Variants in CORO2B observed in about 807,000 individuals in gnomAD.
CORO2B encodes the protein coronin-2B.
Under a neutral mutation model 58.8 loss-of-function variants are expected in CORO2B, and 26 were observed. The ratio of observed to expected loss-of-function variants is 0.44; its 90% CI spans 0.32 to 0.61. The LOEUF (loss-of-function observed/expected upper bound fraction) is 0.61, where lower values mean the gene tolerates loss of function less well. Among genes scored for constraint, CORO2B ranks in the 20% least tolerant of loss-of-function variants. The pLI, the probability that CORO2B is intolerant of heterozygous loss-of-function variation, is 0.04. For synonymous variants in CORO2B, 242 were observed against 253.8 expected (o/e 0.95, Z 0.44); for missense variants, 460 against 645.1 (o/e 0.71, Z 3.11).
chr15:68,709,587 G>A (rs1160183307), intron 3 of CORO2B, among the ~76,000 whole-genome samples: 1 of 151,168 alleles, frequency 6.6e-6, no homozygotes, highest in African/African-American at 2.4e-5. Context: ...CTCCCGAGTA[G>A]CTGGGACTAT....
intron 1 of CORO2B, among the ~76,000 whole-genome samples, chr15:68,640,023 C>T (rs554824485): frequency 6.6e-6 from 1 of 152,342 alleles, no homozygotes; most frequent in East Asian, 1.9e-4. Flanking sequence ...GTTACAGCCT[C>T]GGCAAGGCCT....
rs565662332 is a variant in CORO2B, at chr15:68,663,211, T to C, written c.216+17851T>C. 2.6e-5 allele frequency among the ~76,000 whole-genome samples: 4 copies of C among 152,338 alleles called. No individual in the cohort carries two copies. The East Asian group carries it at 7.7e-4, about 29-fold the overall frequency. ...TATATATCTTGGAGATCTTTTCACATCAAATATAGAAAGAGTTTCCTTGCT... is the reference window on the plus strand; with the variant it reads ...TATATATCTTGGAGATCTTTTCACACCAAATATAGAAAGAGTTTCCTTGCT... On this transcript the variant is annotated intron_variant, in intron 2 of 11. Transcript: ENST00000261861.
intron 1 of CORO2B, among the ~76,000 whole-genome samples, chr15:68,638,055 C>A (rs773702172): frequency 1.2e-4 from 18 of 152,138 alleles, no homozygotes; most frequent in South Asian, 2.1e-4. Context: ...CATTCAGCTG[C>A]AAAATGAATA....
intron 1 of CORO2B, among the ~76,000 whole-genome samples, chr15:68,586,162 T>A (rs1490835641): frequency 6.6e-6 from 1 of 152,198 alleles, no homozygotes; most frequent in Non-Finnish European, 1.5e-5. Flanking sequence ...TCATTGGGAT[T>A]GATAATAGTA....
chr15:68,628,456 C>A (rs1252160947), intron 1 of CORO2B, among the ~76,000 whole-genome samples: 1 of 152,212 alleles, frequency 6.6e-6, no homozygotes, highest in Non-Finnish European at 1.5e-5. Flanking sequence ...TTGAATAGTA[C>A]CTGACACGTA....
chr15:68,710,434 T>C lies in CORO2B; in HGVS notation c.334-298T>C, dbSNP rs1892886040. ...ACATTTGCTAAAAGGGGCTCATGCA[T>C]GTTCTTCTTATCCGGGCTAGGCCAC... On this transcript the variant is annotated intron_variant, in intron 3 of 11. Transcript: ENST00000261861. This position sits in a 1 kb window ranked among gnomAD's most constrained non-coding sequence, Gnocchi z 4.1. Among the ~76,000 whole-genome samples the C allele has an allele frequency of 6.6e-6, 1 of 152,244 alleles. No homozygotes were observed. Among genetic ancestry groups the C allele is most frequent in the Non-Finnish European group, 1.5e-5 (1 of 68,042 alleles).
intron 1 of CORO2B, among the ~76,000 whole-genome samples, chr15:68,591,043 A>C (rs1899691906): frequency 6.6e-6 from 1 of 152,244 alleles, no homozygotes; most frequent in South Asian, 2.1e-4. Context: ...GAACCAAAGC[A>C]GTCTCTGTCT....
intron 1 of CORO2B, among the ~76,000 whole-genome samples, chr15:68,608,532 G>A (rs1051976471): frequency 6.6e-6 from 1 of 152,178 alleles, no homozygotes; most frequent in Non-Finnish European, 1.5e-5. Flanking sequence ...GCACGCGTGC[G>A]TGTGTGTGTG....
At position 68,645,627 on chromosome 15, in the gene CORO2B, G is replaced by T. The variant is rs1176454713; in HGVS notation, c.216+267G>T. ...AAGCCACTCCCTTGGTGTACACAAG[G>T]TTCCATTCCCTGAGGGAGTGGAACA... On this transcript the variant is annotated intron_variant, in intron 2 of 11. Coordinates refer to ENST00000261861, the MANE Select transcript of CORO2B (RefSeq NM_006091.5). The surrounding 1 kb of genome is among the most constrained non-coding windows in gnomAD (Gnocchi z 4.5). Among the ~76,000 whole-genome samples the T allele has an allele frequency of 6.6e-6, 1 of 152,122 alleles. No homozygotes were observed. The highest frequency in any genetic ancestry group is 2.4e-5 in the African/African-American group (1 of 41,424).
rs1005403313 is a variant in CORO2B at position 68,648,826 on chromosome 15, C to G, written c.216+3466C>G. On this transcript the variant is annotated intron_variant, in intron 2 of 11. Transcript: ENST00000261861. Reference sequence around the variant, plus strand: ...AGAGCAGGTGCTCAAATACACTCTTCGTAAGACGTAAATGAGGCAAGTTGG... The same window carrying G: ...AGAGCAGGTGCTCAAATACACTCTTGGTAAGACGTAAATGAGGCAAGTTGG... Among the ~76,000 whole-genome samples, 6 of 152,134 alleles carry G rather than the reference C, an allele frequency of 3.9e-5. No homozygotes were observed. In the South Asian group the frequency reaches 8.3e-4, roughly 21 times the overall value.
intron 5 of CORO2B, among the ~76,000 whole-genome samples, chr15:68,713,322 A>G (rs970520158): frequency 1.3e-5 from 2 of 152,052 alleles, no homozygotes; most frequent in Non-Finnish European, 2.9e-5. Context: ...GTAGCCCCCA[A>G]CTGGACTTGG....
chr15:68,581,368 G>A (rs145037929), intron 1 of CORO2B, among the ~76,000 whole-genome samples: 343 of 152,304 alleles, frequency 2.3e-3, no homozygotes, highest in Non-Finnish European at 3.8e-3. Context: ...GCGTGTTCTT[G>A]TGGGGAACAG....
At chr15:68,536,606 T>C in the CORO2B span, among the ~76,000 whole-genome samples, 1 of 152,258 alleles carries the variant, frequency 6.6e-6, no homozygotes, top group African/African-American at 2.4e-5. Flanking sequence ...GATACTTTGG[T>C]ATGTCAAAGA....
chr15:68,720,586 G>A (rs1019504715), intron 11 of CORO2B, among the ~76,000 whole-genome samples: 13 of 152,154 alleles, frequency 8.5e-5, no homozygotes, highest in African/African-American at 1.9e-4. Context: ...GTCCTCAGGG[G>A]CTATTGGAGT....
rs201619943 is a variant in CORO2B at position 68,697,214 on chromosome 15, T to TTGGA, written c.333+1984_333+1987dup. On this transcript the variant is annotated intron_variant, in intron 3 of 11. Coordinates refer to ENST00000261861, the MANE Select transcript of CORO2B (RefSeq NM_006091.5). ...GTTGGATGGATGGATGGATGGATTGTTGGATGGATGGATGGATGGATGGAT... is the reference window on the plus strand; with the variant it reads ...GTTGGATGGATGGATGGATGGATTGTTGGATGGATGGATGGATGGATGGATGGAT... 4.9e-3 allele frequency among the ~76,000 whole-genome samples: 721 copies of TTGGA among 148,092 alleles called. 17 individuals are homozygous for TTGGA. The East Asian group carries it at 0.088, about 18-fold the overall frequency.
intron 1 of CORO2B, among the ~76,000 whole-genome samples, chr15:68,622,221 C>T (rs1264511666): frequency 6.6e-6 from 1 of 152,212 alleles, no homozygotes; most frequent in Non-Finnish European, 1.5e-5. Context: ...TGTGGCAATG[C>T]TGCTGGGTGA....
chr15:68,576,469 CG>C (rs1246948715), upstream of CORO2B, among the ~76,000 whole-genome samples: 1 of 152,170 alleles, frequency 6.6e-6, no homozygotes, highest in Non-Finnish European at 1.5e-5. Context: ...CCCACAACAA[CG>C]GCGGATGGCG....
the CORO2B span, among the ~76,000 whole-genome samples, chr15:68,527,004 G>C: frequency 1.3e-5 from 2 of 152,188 alleles, no homozygotes; most frequent in Admixed American, 1.3e-4. Context: ...AGAGACACCA[G>C]AGAGGTGTGT....
intron 1 of CORO2B, among the ~76,000 whole-genome samples, chr15:68,624,082 A>T (rs1900607278): frequency 6.6e-6 from 1 of 152,128 alleles, no homozygotes; most frequent in Admixed American, 6.5e-5. Context: ...TGAGCAGGTG[A>T]CCTAACCTGT....
Sources: allele counts gnomAD v4.1 joint callset (sites outside exome capture counted in the v4.1 genomes callset), GRCh38; gene constraint gnomAD v4.1.1; non-coding constraint Gnocchi (gnomAD v3.1); transcripts MANE v1.5; gene names NCBI Gene and HGNC (gene_info 2026-07-23, HGNC 2026-07-21).